The following MARCHF1 variants were observed in gnomAD, a reference collection of about 807,000 sequenced individuals.
The protein encoded by MARCHF1 is E3 ubiquitin-protein ligase MARCHF1.
MARCHF1 carries 40 observed loss-of-function variants against 54.2 expected under a neutral mutation model. That is an observed-to-expected ratio of 0.74 (90% CI 0.57 to 0.96). The LOEUF is 0.96. Ranked by LOEUF, MARCHF1 falls within the 40% of genes least tolerant of loss-of-function variation. MARCHF1 has a pLI of 0.00. For synonymous variants in MARCHF1, 236 were observed against 236.3 expected, an observed-to-expected ratio of 1.00 and a Z score of 0.01; for missense variants, 586 against 656.5, an observed-to-expected ratio of 0.89 and a Z score of 1.17.
intron 1 of MARCHF1, among the ~76,000 whole-genome samples, chr4:164,148,187 G>A (rs965520062): frequency 3.3e-5 from 5 of 150,270 alleles, no homozygotes; most frequent in African/African-American, 1.2e-4. Context: ...ATTCAACCAA[G>A]AAACTATGTA....
At chr4:164,088,401 T>C (rs963221559) in intron 2 of MARCHF1, among the ~76,000 whole-genome samples, 1 of 152,156 alleles carries the variant, frequency 6.6e-6, no homozygotes, top group Non-Finnish European at 1.5e-5. Flanking sequence ...AAAATATTAT[T>C]CATAATCTGG....
At chr4:163,570,311 T>A (rs1228846177) in intron 8 of MARCHF1, among the ~76,000 whole-genome samples, 1 of 152,108 alleles carries the variant, frequency 6.6e-6, no homozygotes, top group East Asian at 1.9e-4. Context: ...ACAGTGTTGA[T>A]GATGGAGGGA....
At chr4:163,617,050 T>C (rs1243462156) in intron 5 of MARCHF1, among the ~76,000 whole-genome samples, 1 of 152,154 alleles carries the variant, frequency 6.6e-6, no homozygotes, top group African/African-American at 2.4e-5. Context: ...GTGATATATA[T>C]GCATAATACA....
intron 8 of MARCHF1, among the ~76,000 whole-genome samples, chr4:163,569,351 G>T (rs1446695929): frequency 1.3e-5 from 2 of 152,020 alleles, no homozygotes; most frequent in African/African-American, 4.8e-5. Flanking sequence ...TCTAAATAAG[G>T]TTATATTTTG....
At chr4:164,032,760 T>A (rs1453431719) in intron 2 of MARCHF1, among the ~76,000 whole-genome samples, 1 of 152,080 alleles carries the variant, frequency 6.6e-6, no homozygotes, top group South Asian at 2.1e-4. Context: ...AATTATGTGG[T>A]TGGTTTTAGA....
At chr4:164,163,157 C>T (rs28799382) in intron 1 of MARCHF1, among the ~76,000 whole-genome samples, 2 of 151,564 alleles carry the variant, frequency 1.3e-5, no homozygotes, top group Non-Finnish European at 2.9e-5. Flanking sequence ...ATTATCCCAC[C>T]TAGAAGATCC....
intron 4 of MARCHF1, among the ~76,000 whole-genome samples, chr4:163,737,228 T>A (rs1174217718): frequency 9.1e-6 from 1 of 110,126 alleles, no homozygotes; most frequent in East Asian, 2.0e-4. Flanking sequence ...TTTTTTTTTT[T>A]ATTATACTCT....
At chr4:164,240,235 C>T (rs1271358918) in intron 1 of MARCHF1, among the ~76,000 whole-genome samples, 1 of 152,150 alleles carries the variant, frequency 6.6e-6, no homozygotes, top group Non-Finnish European at 1.5e-5. Context: ...CACAAATTCT[C>T]GAATTTTTCT....
intron 4 of MARCHF1, among the ~76,000 whole-genome samples, chr4:163,778,756 C>G (rs1042733602): frequency 6.6e-6 from 1 of 152,002 alleles, no homozygotes; most frequent in African/African-American, 2.4e-5. Context: ...CACAGAAAGA[C>G]AAATACCACA....
At chr4:164,376,868 G>T (rs1309746218) in intron 1 of MARCHF1, among the ~76,000 whole-genome samples, 1 of 152,226 alleles carries the variant, frequency 6.6e-6, no homozygotes, top group Non-Finnish European at 1.5e-5. Flanking sequence ...AAACAGATGT[G>T]AGATTGACAG....
chr4:163,641,385 A>G (rs1259081255), intron 5 of MARCHF1, among the ~76,000 whole-genome samples: 3 of 152,146 alleles, frequency 2.0e-5, no homozygotes, highest in Non-Finnish European at 2.9e-5. Context: ...AGTATAAAAA[A>G]TTATGGCTAT....
chr4:164,064,468 T>A (rs1467370966), intron 2 of MARCHF1, among the ~76,000 whole-genome samples: 1 of 152,226 alleles, frequency 6.6e-6, no homozygotes, highest in African/African-American at 2.4e-5. Context: ...TGTTGGTTTA[T>A]AGGAATGCTA....
chr4:164,115,854 G>C (rs1755928249), intron 1 of MARCHF1, among the ~76,000 whole-genome samples: 1 of 151,942 alleles, frequency 6.6e-6, no homozygotes. Flanking sequence ...CAAAGATTTG[G>C]AAGATGTCAT....
intron 4 of MARCHF1, among the ~76,000 whole-genome samples, chr4:163,738,479 G>A (rs1217352167): frequency 6.6e-6 from 1 of 152,146 alleles, no homozygotes; most frequent in Non-Finnish European, 1.5e-5. Flanking sequence ...TATGACATGT[G>A]AGAGCCTACA....
chr4:163,998,639 A>G (rs1169634012), intron 2 of MARCHF1, among the ~76,000 whole-genome samples: 1 of 151,594 alleles, frequency 6.6e-6, no homozygotes, highest in Admixed American at 6.6e-5. Flanking sequence ...CATCTCCACA[A>G]CTTTACCCTC....
intron 1 of MARCHF1, chr4:164,383,277 C>A (rs1401138472): frequency 1.3e-5 from 2 of 152,308 alleles, no homozygotes; most frequent in Non-Finnish European, 2.9e-5. Flanking sequence ...CCCAGGAGGG[C>A]GGTTGCAGGG....
intron 3 of MARCHF1, among the ~76,000 whole-genome samples, chr4:163,977,474 G>T (rs1752671522): frequency 6.6e-6 from 1 of 152,064 alleles, no homozygotes; most frequent in Non-Finnish European, 1.5e-5. Flanking sequence ...GCCCCTCAAT[G>T]ATAATATTTT....
At chr4:164,197,433 G>T in intron 1 of MARCHF1, 1 of 1,613,426 alleles carries the variant, frequency 6.2e-7, no homozygotes, top group Non-Finnish European at 8.5e-7. Context: ...TAATTTTGTT[G>T]CCACTTAAAT....
chr4:164,180,286 T>C (rs914343002), intron 1 of MARCHF1, among the ~76,000 whole-genome samples: 1 of 152,214 alleles, frequency 6.6e-6, no homozygotes, highest in South Asian at 2.1e-4. Flanking sequence ...AAATTCAACA[T>C]GTGCTGAATT....
Sources: allele counts gnomAD v4.1 joint callset (sites outside exome capture counted in the v4.1 genomes callset), GRCh38; gene constraint gnomAD v4.1.1; transcripts MANE v1.5; gene names NCBI Gene and HGNC (gene_info 2026-07-23, HGNC 2026-07-21).